The following ELMO1 variants were observed in gnomAD, a reference collection of about 807,000 sequenced individuals.
The protein encoded by ELMO1 is engulfment and cell motility 1, also known as engulfment and cell motility protein 1.
Under a neutral mutation model 98.9 loss-of-function variants are expected in ELMO1, and 26 were observed. That is an observed-to-expected ratio of 0.26 (90% CI 0.19 to 0.36). The LOEUF is 0.36. Ranked by LOEUF, ELMO1 falls within the 10% of genes least tolerant of loss-of-function variation. The pLI is 1.00. For synonymous variants in ELMO1, 346 were observed against 346.0 expected, an observed-to-expected ratio of 1.00 and a Z score of 0.00; for missense variants, 627 against 935.2, an observed-to-expected ratio of 0.67 and a Z score of 4.30.
At chr7:37,179,277 C>A (rs1165776807) in intron 13 of ELMO1, among the ~76,000 whole-genome samples, 1 of 83,810 alleles carries the variant, frequency 1.2e-5, no homozygotes. Context: ...TTGCATATAG[C>A]TCTTTTTTTT....
intron 8 of ELMO1, among the ~76,000 whole-genome samples, chr7:37,225,987 C>T (rs1793853633): frequency 6.6e-6 from 1 of 152,106 alleles, no homozygotes; most frequent in Non-Finnish European, 1.5e-5. Flanking sequence ...TAATTTCTCC[C>T]TTTTTTGCTG....
chr7:37,084,243 A>T (rs1783638011), intron 15 of ELMO1, among the ~76,000 whole-genome samples: 1 of 152,218 alleles, frequency 6.6e-6, no homozygotes, highest in Admixed American at 6.5e-5. Context: ...TTAGAAGAAA[A>T]CAAGAATGTT....
At chr7:36,867,916 G>C (rs13437935) in intron 20 of ELMO1, among the ~76,000 whole-genome samples, 7,741 of 152,056 alleles carry the variant, frequency 0.051, 421 homozygotes, top group East Asian at 0.25. Context: ...CATGCTTTAC[G>C]GTCCAAAATG....
intron 20 of ELMO1, among the ~76,000 whole-genome samples, chr7:36,866,972 G>A (rs548363240): frequency 6.6e-6 from 1 of 152,088 alleles, no homozygotes; most frequent in African/African-American, 2.4e-5. Flanking sequence ...TTGATGACAT[G>A]GTATATATGA....
At chr7:37,265,176 C>A (rs1305432835) in intron 5 of ELMO1, among the ~76,000 whole-genome samples, 1 of 152,186 alleles carries the variant, frequency 6.6e-6, no homozygotes, top group Non-Finnish European at 1.5e-5. Context: ...CTGCTGGCAT[C>A]TCTACCCTCA....
intron 1 of ELMO1, among the ~76,000 whole-genome samples, chr7:37,443,521 A>G (rs1205546689): frequency 1.3e-5 from 2 of 152,128 alleles, no homozygotes; most frequent in South Asian, 2.1e-4. Context: ...TTCCTATCTG[A>G]TACTTAACTG....
chr7:37,065,673 C>G (rs1204646034), intron 15 of ELMO1, among the ~76,000 whole-genome samples: 1 of 152,144 alleles, frequency 6.6e-6, no homozygotes, highest in Non-Finnish European at 1.5e-5. Context: ...GAAAAAAGTG[C>G]CAGTTTATTT....
At chr7:37,118,853 A>T (rs1785788479) in intron 14 of ELMO1, among the ~76,000 whole-genome samples, 1 of 152,186 alleles carries the variant, frequency 6.6e-6, no homozygotes, top group African/African-American at 2.4e-5. Context: ...CTTTTTAATA[A>T]CACTGGGTCA....
At chr7:37,314,743 G>A in intron 4 of ELMO1, 107 bp downstream of exon 4, 1 of 965,338 alleles carries the variant, frequency 1.0e-6, no homozygotes, top group Non-Finnish European at 1.5e-6. Context: ...GTGGATAGTA[G>A]AGACCTAAAA....
At chr7:37,267,036 TATACACACACACACACACACAC>T (rs1562567294) in intron 5 of ELMO1, among the ~76,000 whole-genome samples, 52 of 26,928 alleles carry the variant, frequency 1.9e-3, no homozygotes, top group Non-Finnish European at 3.0e-3. Flanking sequence ...AATATGTATA[TATACACACACACACACACACAC>T]ACACACACAC....
intron 16 of ELMO1, among the ~76,000 whole-genome samples, chr7:36,930,289 A>G (rs1785930983): frequency 6.6e-6 from 1 of 152,250 alleles, no homozygotes; most frequent in African/African-American, 2.4e-5. Context: ...GTGTTAGGCT[A>G]ATTCAAAAGC....
chr7:37,261,750 T>C (rs2541084), intron 5 of ELMO1, among the ~76,000 whole-genome samples: 48,485 of 152,086 alleles, frequency 0.32, 7,834 homozygotes, highest in Middle Eastern at 0.43. Context: ...TTACAAGTTC[T>C]TGCACCATGC....
At chr7:37,251,120 A>AT (rs938914828) in intron 6 of ELMO1, among the ~76,000 whole-genome samples, 18 of 152,270 alleles carry the variant, frequency 1.2e-4, no homozygotes, top group African/African-American at 4.3e-4. Context: ...GAAGAGCAGT[A>AT]TTTTTTATGA....
At chr7:36,891,774 A>G (rs1805571818) in intron 17 of ELMO1, among the ~76,000 whole-genome samples, 1 of 152,244 alleles carries the variant, frequency 6.6e-6, no homozygotes, top group Non-Finnish European at 1.5e-5. Flanking sequence ...TAACTTGCTT[A>G]CAGAGCCACA....
At chr7:37,193,784 A>G (rs1230523612) in intron 13 of ELMO1, among the ~76,000 whole-genome samples, 1 of 152,152 alleles carries the variant, frequency 6.6e-6, no homozygotes, top group Non-Finnish European at 1.5e-5. Context: ...GTTTTCTCTT[A>G]TCACCATTTT....
At chr7:37,211,219 A>G (rs1287429951) in intron 13 of ELMO1, 167 bp downstream of exon 13, 6 of 903,432 alleles carry the variant, frequency 6.6e-6, no homozygotes, top group Non-Finnish European at 9.9e-6. Context: ...TGAAGCCAGA[A>G]GAGATTTTCA....
intron 16 of ELMO1, among the ~76,000 whole-genome samples, chr7:36,927,914 T>C (rs576021948): frequency 6.6e-6 from 1 of 152,270 alleles, no homozygotes; most frequent in Admixed American, 6.5e-5. Context: ...TATCAGTAAA[T>C]AGGTGATTGA....
intron 13 of ELMO1, chr7:37,197,036 T>C (rs1792002637): frequency 6.6e-6 from 1 of 152,208 alleles, no homozygotes; most frequent in Non-Finnish European, 1.5e-5. Context: ...AGTTTGGTAA[T>C]GTAAACATTT....
At position 37,189,256 on chromosome 7, in the gene ELMO1, G is replaced by A. The variant is rs144733704; in HGVS notation, c.1086+22130C>T. ...AAAAACTGTATATGATGGACAGACAGTGCAGGCATAACATACATCCTTAGA... is the reference window on the plus strand; with the variant it reads ...AAAAACTGTATATGATGGACAGACAATGCAGGCATAACATACATCCTTAGA... On this transcript the variant is annotated intron_variant, in intron 13 of 21. Transcript: ENST00000310758. Among the ~76,000 whole-genome samples, 3 of 152,330 alleles carry A rather than the reference G, an allele frequency of 2.0e-5. No homozygotes were observed. In the East Asian group the frequency reaches 5.8e-4, roughly 29 times the overall value.
Sources: allele counts gnomAD v4.1 joint callset (sites outside exome capture counted in the v4.1 genomes callset), GRCh38; gene constraint gnomAD v4.1.1; transcripts MANE v1.5; gene names NCBI Gene and HGNC (gene_info 2026-07-23, HGNC 2026-07-21).